The following UGT1A8 variants were observed in gnomAD, a reference collection of about 807,000 sequenced individuals.
UGT1A8 encodes UDP-glucuronosyltransferase 1A8.
In UGT1A8, 39 loss-of-function variants were observed where a neutral mutation model predicts 45.3. The observed-to-expected ratio is 0.86, with a 90% CI of 0.67 to 1.12. The LOEUF is 1.12. Among genes scored for constraint, UGT1A8 ranks in the 50% most tolerant of loss-of-function variants. The pLI is 0.00. For missense variants in UGT1A8, 719 were observed against 664.9 expected, an observed-to-expected ratio of 1.08 and a Z score of -0.90; for synonymous variants, 275 against 249.2, an observed-to-expected ratio of 1.10 and a Z score of -0.97.
At chr2:233,755,500 A>G (rs1249263278) in intron 1 of UGT1A8, 1 of 181,898 alleles carries the variant, frequency 5.5e-6, no homozygotes, top group Non-Finnish European at 1.2e-5. Flanking sequence ...ATGCTCCAAG[A>G]CCAGGCCCCG....
At chr2:233,747,175 C>G in intron 1 of UGT1A8, 1 of 1,599,222 alleles carries the variant, frequency 6.3e-7, no homozygotes, top group Non-Finnish European at 8.5e-7. Flanking sequence ...GGAGGCACAG[C>G]GTGGGGTGGA....
At chr2:233,712,884 C>T (rs1239216440) in intron 1 of UGT1A8, 1 of 1,600,688 alleles carries the variant, frequency 6.2e-7, no homozygotes, top group Non-Finnish European at 8.5e-7. Context: ...TCTTCAATTA[C>T]ATGTTGATTT....
intron 1 of UGT1A8, chr2:233,729,928 C>T (rs1300778584): frequency 1.2e-6 from 2 of 1,613,898 alleles, no homozygotes; most frequent in Non-Finnish European, 1.7e-6. Flanking sequence ...CTACCCCAGG[C>T]CAATCATGCC....
At chr2:233,642,894 C>G (rs1208978138) in intron 1 of UGT1A8, among the ~76,000 whole-genome samples, 1 of 152,174 alleles carries the variant, frequency 6.6e-6, no homozygotes. Context: ...CTCACTCTCT[C>G]TCTCTCTCTC....
At chr2:233,665,875 C>T (rs552952595) in intron 1 of UGT1A8, among the ~76,000 whole-genome samples, 238 of 152,250 alleles carry the variant, frequency 1.6e-3, no homozygotes, top group Non-Finnish European at 1.7e-3. Flanking sequence ...TATTTACAAG[C>T]GGCCAGACCA....
intron 1 of UGT1A8, chr2:233,693,427 GA>G (rs1412381412): frequency 6.2e-7 from 1 of 1,614,130 alleles, no homozygotes; most frequent in Non-Finnish European, 8.5e-7. Context: ...TCTTTAAGGA[GA>G]GCAAGTTTGA....
At chr2:233,690,595 A>G (rs2074998935) in intron 1 of UGT1A8, 1 of 1,289,676 alleles carries the variant, frequency 7.8e-7, no homozygotes, top group Non-Finnish European at 1.0e-6. Flanking sequence ...TGAGAAAAAA[A>G]AAAAATCGGC....
chr2:233,726,131 A>C (rs190150615), intron 1 of UGT1A8, among the ~76,000 whole-genome samples: 156 of 152,186 alleles, frequency 1.0e-3, no homozygotes, highest in African/African-American at 3.6e-3. Flanking sequence ...ACACCACCTC[A>C]CTCCAGCCCG....
intron 1 of UGT1A8, among the ~76,000 whole-genome samples, chr2:233,622,776 G>A (rs1221015678): frequency 6.6e-6 from 1 of 152,128 alleles, no homozygotes; most frequent in East Asian, 1.9e-4. Flanking sequence ...ATTGCTTTTG[G>A]TGTTTTAGTC....
At chr2:233,768,580 T>TTA in intron 4 of UGT1A8, 141 bp downstream of exon 4, 2 of 1,335,112 alleles carry the variant, frequency 1.5e-6, no homozygotes, top group Non-Finnish European at 1.9e-6. Context: ...TTTTTATTTC[T>TTA]TCTTTTTTTT....
chr2:233,619,710 G>A (rs45495800), intron 1 of UGT1A8, among the ~76,000 whole-genome samples: 7 of 151,974 alleles, frequency 4.6e-5, no homozygotes, highest in East Asian at 1.9e-4. Context: ...CTGACTATTG[G>A]TAATTAAAGT....
rs192915169 is a variant in UGT1A8, at chr2:233,741,002, A to C, written c.856-26032A>C. ...CTGGGAATGCTGAGGAGGAAGGATC[A>C]CTTGAGCCCAGGAATTCGTGGTTAC... is the stretch of plus-strand genomic sequence containing the variant. On this transcript the variant is annotated intron_variant, in intron 1 of 4. Transcript: ENST00000373450. The C allele has an allele frequency of 3.0e-4, 45 of 151,886 alleles. 2 individuals are homozygous for C. The highest frequency in any genetic ancestry group is 1.0e-3 in the African/African-American group (41 of 41,190). 9.4% of individuals were successfully genotyped at this position (151,886 alleles called of 1,614,324 possible). A position where few individuals can be genotyped will look rare whatever the true frequency, so the allele number is the denominator to read the frequency against.
chr2:233,679,238 A>T (rs2074445894), intron 1 of UGT1A8, among the ~76,000 whole-genome samples: 1 of 152,240 alleles, frequency 6.6e-6, no homozygotes, highest in South Asian at 2.1e-4. Flanking sequence ...TCCAATATCG[A>T]AAGAACTTTA....
intron 1 of UGT1A8, among the ~76,000 whole-genome samples, chr2:233,656,989 C>T (rs1400824951): frequency 1.3e-5 from 2 of 151,912 alleles, no homozygotes; most frequent in East Asian, 1.9e-4. Flanking sequence ...CCTCCGCCTG[C>T]GTTAGGACCT....
intron 1 of UGT1A8, among the ~76,000 whole-genome samples, chr2:233,725,222 G>C (rs2077398090): frequency 1.1e-5 from 1 of 89,832 alleles, no homozygotes; most frequent in African/African-American, 7.8e-5. Context: ...AGGCAGAGGA[G>C]GCAGAGGCAG....
rs146937862 is a variant in UGT1A8 at position 233,663,315 on chromosome 2, T to C, written c.855+44753T>C. Among the ~76,000 whole-genome samples the C allele has an allele frequency of 2.4e-4, 37 of 152,106 alleles. 1 individual carries two copies. The highest frequency in any genetic ancestry group is 4.4e-4 in the Non-Finnish European group (30 of 68,014). On this transcript the variant is annotated intron_variant, in intron 1 of 4. Transcript: ENST00000373450. ...ACTCAAATCAGTCTCCCCAAGCAAT[T>C]TGGGGAACAGTTTTTAAGGAATACT...
chr2:233,628,479 T>C lies in UGT1A8; in HGVS notation c.855+9917T>C, dbSNP rs552144517. 2.1e-4 allele frequency among the ~76,000 whole-genome samples: 32 copies of C among 152,274 alleles called. No homozygotes were observed. The South Asian group carries it at 6.4e-3, about 31-fold the overall frequency. On this transcript the variant is annotated intron_variant, in intron 1 of 4. Coordinates refer to ENST00000373450, the MANE Select transcript of UGT1A8 (RefSeq NM_019076.5). ...TTTTAAGTATTGTATCTTGCAACCATGCTAAACTTACGTATTTGTTCTAGG... is the reference window on the plus strand; with the variant it reads ...TTTTAAGTATTGTATCTTGCAACCACGCTAAACTTACGTATTTGTTCTAGG...
intron 1 of UGT1A8, among the ~76,000 whole-genome samples, chr2:233,656,391 C>T (rs774074985): frequency 2.0e-5 from 3 of 152,178 alleles, no homozygotes; most frequent in African/African-American, 4.8e-5. Context: ...CCAATGAAAG[C>T]AGTATTTGTG....
At chr2:233,644,444 G>A (rs571879545) in intron 1 of UGT1A8, among the ~76,000 whole-genome samples, 22 of 152,066 alleles carry the variant, frequency 1.4e-4, no homozygotes, top group Non-Finnish European at 2.5e-4. Flanking sequence ...GGTGCATGCC[G>A]GTAATCCCAG....
Sources: allele counts gnomAD v4.1 joint callset (sites outside exome capture counted in the v4.1 genomes callset), GRCh38; gene constraint gnomAD v4.1.1; transcripts MANE v1.5; gene names NCBI Gene and HGNC (gene_info 2026-07-23, HGNC 2026-07-21).